NRL: variants seen among roughly 807,000 people sequenced by gnomAD.
NRL encodes neural retina leucine zipper, also known as neural retina-specific leucine zipper protein.
In NRL, 16 loss-of-function variants were observed where a neutral mutation model predicts 12.5. That is an observed-to-expected ratio of 1.28 (90% confidence interval 0.87 to 1.95). The LOEUF (loss-of-function observed/expected upper bound fraction) is 1.95. Among genes scored for constraint, NRL ranks in the 30% most tolerant of loss-of-function variants. NRL has a pLI of 0.00. For missense variants in NRL, 314 were observed against 325.8 expected (o/e 0.96, Z 0.28); for synonymous variants, 142 against 150.9 (o/e 0.94, Z 0.43).
At chr14:24,092,803 G>A (rs1466243602) in intron 1 of NRL, among the ~76,000 whole-genome samples, 1 of 152,198 alleles carries the variant, frequency 6.6e-6, no homozygotes, top group Non-Finnish European at 1.5e-5. Context: ...ATTAGCTTGA[G>A]CAAGAGAAGA....
intron 1 of NRL, among the ~76,000 whole-genome samples, chr14:24,083,347 AT>A (rs1280608234): frequency 2.6e-5 from 4 of 152,202 alleles, no homozygotes; most frequent in African/African-American, 9.7e-5. Flanking sequence ...ATGTGTTCTT[AT>A]AGCTCTCTGT....
In NRL at chr14:24,094,318, G is replaced by A; in HGVS notation, c.-27-11443C>T. 1.5e-6 allele frequency: 2 copies of A among 1,339,520 alleles called. No homozygotes were observed. Among genetic ancestry groups the A allele is most frequent in the South Asian group, 1.3e-5 (1 of 79,572 alleles). The allele number at this position is 1,339,520 out of a possible 1,614,324, so 83.0% of individuals were successfully genotyped here. A position where few individuals can be genotyped will look rare whatever the true frequency, so the allele number is the denominator to read the frequency against. Reference sequence around the variant, plus strand: ...CTCCCGCCAGCCTCTGCTGTGGCTCGCTTCGCCGCGCTCCCTCCTTCCCCG... The same window carrying A: ...CTCCCGCCAGCCTCTGCTGTGGCTCACTTCGCCGCGCTCCCTCCTTCCCCG... On this transcript the variant is annotated intron_variant, in intron 1 of 2. Transcript: ENST00000561028. The surrounding 1 kb of genome is among the most constrained non-coding windows in gnomAD (Gnocchi z 4.1).
chr14:24,094,817 C>G lies in NRL; in HGVS notation c.-27-11942G>C. 7 of 1,332,546 alleles carry G rather than the reference C, an allele frequency of 5.3e-6. No homozygotes were observed. The highest frequency in any genetic ancestry group is 6.9e-6 in the Non-Finnish European group (7 of 1,017,262). The allele number at this position is 1,332,546 out of a possible 1,614,324, so 82.5% of individuals were successfully genotyped here. ...TCTCAGCCAGCGCCCCAGGGTACTT[C>G]GAGAGGCAGCAGGGCCCTGGGGACA... On this transcript the variant is annotated intron_variant, in intron 1 of 2. Coordinates refer to ENST00000561028, the MANE Select transcript of NRL (RefSeq NM_001354768.3). This position sits in a 1 kb window ranked among gnomAD's most constrained non-coding sequence, Gnocchi z 4.1.
intron 1 of NRL, among the ~76,000 whole-genome samples, chr14:24,083,940 TG>T (rs750534737): frequency 2.6e-5 from 4 of 152,218 alleles, no homozygotes; most frequent in Non-Finnish European, 5.9e-5. Context: ...AACTTCTGGC[TG>T]GGTGACCTCA....
intron 1 of NRL, among the ~76,000 whole-genome samples, chr14:24,101,614 ATGT>A (rs2037164616): frequency 6.6e-6 from 1 of 152,162 alleles, no homozygotes; most frequent in South Asian, 2.1e-4. Flanking sequence ...AATCACCAAC[ATGT>A]TGTTAGCTTT....
At chr14:24,083,706 A>G (rs998694862) in intron 1 of NRL, among the ~76,000 whole-genome samples, 1 of 152,218 alleles carries the variant, frequency 6.6e-6, no homozygotes, top group African/African-American at 2.4e-5. Flanking sequence ...TCTCTAGAAC[A>G]CTGATTCTGA....
chr14:24,085,750 T>C lies in NRL; in HGVS notation c.-27-2875A>G, dbSNP rs891552613. 1.3e-5 allele frequency among the ~76,000 whole-genome samples: 2 copies of C among 152,190 alleles called. No homozygotes were observed. The highest frequency in any genetic ancestry group is 4.8e-5 in the African/African-American group (2 of 41,448). ...TATATGTTGGGGAAAAGCTGGCAGATACAGATTATCTAAGAAGGTGGTTTC... is the reference window on the plus strand; with the variant it reads ...TATATGTTGGGGAAAAGCTGGCAGACACAGATTATCTAAGAAGGTGGTTTC... On this transcript the variant is annotated intron_variant, in intron 1 of 2. Coordinates refer to ENST00000561028, the MANE Select transcript of NRL (RefSeq NM_001354768.3). This position sits in a 1 kb window ranked among gnomAD's most constrained non-coding sequence, Gnocchi z 4.1.
intron 1 of NRL, among the ~76,000 whole-genome samples, chr14:24,096,228 CTTTTTTTTTTTTT>C (rs34592767): frequency 5.9e-4 from 35 of 58,880 alleles, no homozygotes; most frequent in African/African-American, 2.4e-3. Flanking sequence ...CTACTCATTT[CTTTTTTTTTTTTT>C]TTTTTTTTTT....
intron 1 of NRL, among the ~76,000 whole-genome samples, chr14:24,092,303 G>A (rs2036654719): frequency 6.6e-6 from 1 of 152,214 alleles, no homozygotes; most frequent in African/African-American, 2.4e-5. Context: ...CCCTGGCCAT[G>A]GGGATAGTTG....
chr14:24,092,548 A>C (rs944488770), intron 1 of NRL, among the ~76,000 whole-genome samples: 1 of 152,164 alleles, frequency 6.6e-6, no homozygotes, highest in African/African-American at 2.4e-5. Context: ...GTTGGCCAAG[A>C]GGTATGTGTT....
At position 24,081,707 on chromosome 14, in the gene NRL, C is replaced by T. The variant is rs2036313083; in HGVS notation, c.382-139G>A. The T allele has an allele frequency of 6.6e-7, 1 of 1,525,510 alleles. No homozygotes were observed. The highest frequency in any genetic ancestry group is 2.5e-5 in the East Asian group (1 of 40,620). 94.5% of individuals were successfully genotyped at this position (1,525,510 alleles called of 1,614,324 possible). ...TCACCGGAAGGCTCGCCCTTCCACGCAGTCTGTTTCGGTCCAGAGCCCGCC... is the reference window on the plus strand; with the variant it reads ...TCACCGGAAGGCTCGCCCTTCCACGTAGTCTGTTTCGGTCCAGAGCCCGCC... On this transcript the variant is annotated intron_variant, in intron 2 of 2. Transcript: ENST00000561028. This position sits in a 1 kb window ranked among gnomAD's most constrained non-coding sequence, Gnocchi z 4.4.
intron 1 of NRL, chr14:24,102,920 G>A: frequency 2.5e-6 from 4 of 1,604,384 alleles, no homozygotes; most frequent in Non-Finnish European, 2.6e-6. Context: ...CATGTTCTTG[G>A]CAAAAGGGCT....
intron 1 of NRL, chr14:24,098,108 GA>G: frequency 1.0e-6 from 1 of 1,001,818 alleles, no homozygotes; most frequent in East Asian, 2.6e-5. Context: ...AAGGCCAACA[GA>G]AGACCTGGAG....
intron 1 of NRL, chr14:24,100,175 T>C (rs748659655): frequency 6.2e-7 from 1 of 1,614,162 alleles, no homozygotes; most frequent in Admixed American, 1.7e-5. Flanking sequence ...CCACCTGGTG[T>C]TACTGTGACC....
intron 1 of NRL, among the ~76,000 whole-genome samples, chr14:24,092,993 C>T (rs1198491469): frequency 6.6e-6 from 1 of 152,216 alleles, no homozygotes; most frequent in African/African-American, 2.4e-5. Context: ...GAGCTAACTT[C>T]CAAAGTTTTA....
At chr14:24,096,592 C>T (rs553746657) in intron 1 of NRL, among the ~76,000 whole-genome samples, 20 of 152,272 alleles carry the variant, frequency 1.3e-4, no homozygotes, top group African/African-American at 4.8e-4. Context: ...ATGGGCTACA[C>T]AGGCAGTAAC....
At chr14:24,091,943 T>C (rs1393845597) in intron 1 of NRL, among the ~76,000 whole-genome samples, 2 of 152,060 alleles carry the variant, frequency 1.3e-5, no homozygotes, top group East Asian at 3.9e-4. Flanking sequence ...TGACCTTTGA[T>C]TTAGGGTGTT....
chr14:24,078,671 G>A lies in NRL; in HGVS notation c.*2565C>T, dbSNP rs1175853620. ...CAGCAACAACAGCAAATATCATTACGTAGCATGTGTCAACTTTATGCTAAG... is the reference window on the plus strand; with the variant it reads ...CAGCAACAACAGCAAATATCATTACATAGCATGTGTCAACTTTATGCTAAG... On this transcript the variant is annotated 3_prime_UTR_variant, in exon 3 of 3. Transcript: ENST00000561028. Among the ~76,000 whole-genome samples the A allele has an allele frequency of 6.6e-6, 1 of 152,284 alleles. No individual in the cohort carries two copies. Among genetic ancestry groups the A allele is most frequent in the Non-Finnish European group, 1.5e-5 (1 of 68,008 alleles).
chr14:24,092,642 A>T (rs1048674794), intron 1 of NRL, among the ~76,000 whole-genome samples: 15 of 152,226 alleles, frequency 9.9e-5, no homozygotes, highest in African/African-American at 3.6e-4. Context: ...GGTTGAGTGT[A>T]GGCTAGAGCC....
Sources: allele counts gnomAD v4.1 joint callset (sites outside exome capture counted in the v4.1 genomes callset), GRCh38; gene constraint gnomAD v4.1.1; non-coding constraint Gnocchi (gnomAD v3.1); transcripts MANE v1.5; gene names NCBI Gene and HGNC (gene_info 2026-07-23, HGNC 2026-07-21).